Variants in ZNF16 observed in about 807,000 individuals in gnomAD.
ZNF16 encodes zinc finger protein 16, also known as zinc finger protein KOX9.
A neutral mutation model predicts 9.0 loss-of-function variants in ZNF16; 7 were observed. The observed-to-expected ratio is 0.78, with a 90% CI of 0.44 to 1.47. ZNF16 has a LOEUF of 1.47. Among genes scored for constraint, ZNF16 ranks in the 40% most tolerant of loss-of-function variants. ZNF16 has a pLI of 0.01. For missense variants in ZNF16, 830 were observed against 854.2 expected, an observed-to-expected ratio of 0.97 and a Z score of 0.35; for synonymous variants, 312 against 301.5, an observed-to-expected ratio of 1.03 and a Z score of -0.36.
At chr8:144,949,614 G>C (rs1247720361) in intron 1 of ZNF16, among the ~76,000 whole-genome samples, 1 of 152,232 alleles carries the variant, frequency 6.6e-6, no homozygotes, top group Non-Finnish European at 1.5e-5. Flanking sequence ...ACAAAAACAT[G>C]TGTTGTATGG....
intron 1 of ZNF16, among the ~76,000 whole-genome samples, chr8:144,949,427 C>T (rs1288547624): frequency 6.6e-6 from 1 of 152,220 alleles, no homozygotes; most frequent in Non-Finnish European, 1.5e-5. Flanking sequence ...TGGGAACCAC[C>T]CCATCGCACT....
chr8:144,949,833 A>G (rs540046616), intron 1 of ZNF16, among the ~76,000 whole-genome samples: 35 of 152,312 alleles, frequency 2.3e-4, no homozygotes, highest in African/African-American at 4.8e-4. Context: ...ATATGGCCTC[A>G]TGGGATGAGA....
At chr8:144,935,378 G>A (rs879331562) in intron 2 of ZNF16, among the ~76,000 whole-genome samples, 8 of 151,856 alleles carry the variant, frequency 5.3e-5, no homozygotes, top group Non-Finnish European at 8.8e-5. Flanking sequence ...AAATTTTGTT[G>A]TATTTTTAGT....
rs2130052159 is a variant in ZNF16, at chr8:144,946,159, T to C, written c.48A>G (p.Ser16=). ...TRREEAEMEL[S]VPGPSPWTPA... ...GGGTCCAGGGGGATGGTCCTGGAAC[T>C]GAGAGCTCCATCTCTGCCTCCTCAC... The change falls in exon 2 of 3, where the codon TCA becomes TCG. Residue 16 remains serine (S), a synonymous_variant. Transcript: ENST00000394909. 6.4e-7 allele frequency: 1 copy of C among 1,559,046 alleles called. No homozygotes were observed. Among genetic ancestry groups the C allele is most frequent in the East Asian group, 2.3e-5 (1 of 43,828 alleles).
In ZNF16 at chr8:144,933,789, C is replaced by T. The variant is rs1182309054; in HGVS notation, c.197-1199G>A. ...CTTGCCCAGAGCACTCTCCACATGG[C>T]CCTCGTGCTACCCACTTCCCTTGCA... is the stretch of plus-strand genomic sequence containing the variant. On this transcript the variant is annotated intron_variant, in intron 2 of 2. Transcript: ENST00000394909. This position sits in a 1 kb window ranked among gnomAD's most constrained non-coding sequence, Gnocchi z 5.6. 6.6e-6 allele frequency among the ~76,000 whole-genome samples: 1 copy of T among 152,218 alleles called. No homozygotes were observed. Among genetic ancestry groups the T allele is most frequent in the Non-Finnish European group, 1.5e-5 (1 of 68,036 alleles).
chr8:144,943,112 G>T (rs1242631928), intron 2 of ZNF16, among the ~76,000 whole-genome samples: 2 of 152,286 alleles, frequency 1.3e-5, no homozygotes, highest in East Asian at 3.9e-4. Flanking sequence ...AATTTTGCCA[G>T]ATAACAGAAT....
intron 2 of ZNF16, among the ~76,000 whole-genome samples, chr8:144,937,462 G>C (rs770256454): frequency 7.2e-5 from 11 of 151,984 alleles, no homozygotes; most frequent in Non-Finnish European, 1.2e-4. Flanking sequence ...AATATATTTT[G>C]ATATTCAAGT....
intron 2 of ZNF16, among the ~76,000 whole-genome samples, chr8:144,937,755 T>C: frequency 6.6e-6 from 1 of 152,188 alleles, no homozygotes; most frequent in Non-Finnish European, 1.5e-5. Context: ...CAGCTGACTG[T>C]AGCCTTGAGC....
At position 144,932,844 on chromosome 8, in the gene ZNF16, A is replaced by C. The variant is rs188262914; in HGVS notation, c.197-254T>G. 1.4e-4 allele frequency among the ~76,000 whole-genome samples: 22 copies of C among 152,208 alleles called. No homozygotes were observed. The East Asian group carries it at 4.1e-3, about 28-fold the overall frequency. ...CTCCCTGGGACTCCACATCTCAGCA[A>C]ACGTTACTGCGGTCTACCTTCTGGC... On this transcript the variant is annotated intron_variant, in intron 2 of 2. Coordinates refer to ENST00000394909, the MANE Select transcript of ZNF16 (RefSeq NM_006958.3). This position sits in a 1 kb window ranked among gnomAD's most constrained non-coding sequence, Gnocchi z 5.0.
intron 2 of ZNF16, among the ~76,000 whole-genome samples, chr8:144,939,928 A>G (rs923900038): frequency 2.6e-5 from 4 of 152,326 alleles, no homozygotes; most frequent in African/African-American, 9.6e-5. Flanking sequence ...CACAAAAGCA[A>G]CGTTTGATTT....
chr8:144,950,807 C>T lies in ZNF16; in HGVS notation c.-20G>A, dbSNP rs1384361165. 1 of 152,216 alleles carries T rather than the reference C, an allele frequency of 6.6e-6. No individual in the cohort carries two copies. Among genetic ancestry groups the T allele is most frequent in the African/African-American group, 2.4e-5 (1 of 41,446 alleles). 9.4% of individuals were successfully genotyped at this position (152,216 alleles called of 1,614,324 possible). ...CTTCGCGGAACTAACCTCAACGGGT[C>T]GCGCTTGGAAAGGAGGCAGCACCGT... On this transcript the variant is annotated 5_prime_UTR_variant, in exon 1 of 3. Transcript: ENST00000394909.
At position 144,930,559 on chromosome 8, in the gene ZNF16, G is replaced by C. The variant is rs1833498016; in HGVS notation, c.*179C>G. On this transcript the variant is annotated 3_prime_UTR_variant, in exon 3 of 3. Coordinates refer to ENST00000394909, the MANE Select transcript of ZNF16 (RefSeq NM_006958.3). Reference sequence around the variant, plus strand: ...ATCACAAGAGGCAAGAGCAGTGGCAGTGAGAAGGGAGCCTGTAAAGGATGT... The same window carrying C: ...ATCACAAGAGGCAAGAGCAGTGGCACTGAGAAGGGAGCCTGTAAAGGATGT... The C allele has an allele frequency of 1.6e-6, 1 of 639,044 alleles. No individual in the cohort carries two copies. The highest frequency in any genetic ancestry group is 2.5e-6 in the Non-Finnish European group (1 of 392,796). The allele number at this position is 639,044 out of a possible 1,614,324, so 39.6% of individuals were successfully genotyped here.
intron 2 of ZNF16, among the ~76,000 whole-genome samples, chr8:144,935,994 T>C (rs890253051): frequency 2.6e-5 from 4 of 152,210 alleles, no homozygotes; most frequent in African/African-American, 9.7e-5. Context: ...AGTACATCTA[T>C]AATGTTATGC....
Position 144,931,392 on chromosome 8 carries a change from T to G in ZNF16, c.1395A>C (p.Val465=), listed in dbSNP as rs776923808. 5.6e-6 allele frequency: 9 copies of G among 1,614,130 alleles called. No individual in the cohort carries two copies. The South Asian group carries it at 8.8e-5, about 16-fold the overall frequency. Residue 465 remains valine (V), a synonymous_variant, in exon 3 of 3, where the codon GTA becomes GTC. Coordinates refer to ENST00000394909, the MANE Select transcript of ZNF16 (RefSeq NM_006958.3). The part of the protein sequence containing the change: ...HTGEKPHVCN[V]CGKAFSYSSV... ...AGCTATAACTAAAGGCTTTTCCACA[T>G]ACATTACACACGTGAGGCTTTTCTC...
At chr8:144,950,639 C>T (rs1460218693) in intron 1 of ZNF16, 158 bp downstream of exon 1, 2 of 150,038 alleles carry the variant, frequency 1.3e-5, no homozygotes, top group Non-Finnish European at 3.0e-5. Flanking sequence ...GCCCCCCCCG[C>T]GCTCCCACAA....
In ZNF16 at chr8:144,931,361, G is replaced by A; in HGVS notation, c.1426C>T (p.Leu476Phe). Residue 476 changes from leucine (L) to phenylalanine (F), a missense_variant, in exon 3 of 3, where the codon CTC (leucine) becomes TTC (phenylalanine). By Grantham distance (22) the Leu-to-Phe change is conservative (BLOSUM62 0). Transcript: ENST00000394909. ...CGKAFSYSSV[L>F]RKHQIIHTGE... ...GTGTGGATGATCTGGTGCTTTCGGA[G>A]CACTGAGCTATAACTAAAGGCTTTT... 2.5e-6 allele frequency: 4 copies of A among 1,614,172 alleles called. No individual in the cohort carries two copies. Among genetic ancestry groups the A allele is most frequent in the Non-Finnish European group, 2.5e-6 (3 of 1,180,038 alleles).
chr8:144,932,478 T>A lies in ZNF16; in HGVS notation c.309A>T (p.Val103=). 1 of 1,614,216 alleles carries A rather than the reference T, an allele frequency of 6.2e-7. No homozygotes were observed. The highest frequency in any genetic ancestry group is 8.5e-7 in the Non-Finnish European group (1 of 1,180,050). ...CATCACACAGATCTCCAAGCTCGGG[T>A]ACCTGGGAAACATCACCAGCATAGT... ...SENYAGDVSQ[V]PELGDLCDDV... Residue 103 remains valine (V), a synonymous_variant, in exon 3 of 3, where the codon GTA becomes GTT. Coordinates refer to ENST00000394909, the MANE Select transcript of ZNF16 (RefSeq NM_006958.3). This position sits in a 1 kb window ranked among gnomAD's most constrained non-coding sequence, Gnocchi z 5.0.
rs147835035 is a variant in ZNF16 at position 144,949,449 on chromosome 8, T to C, written c.-10+1348A>G. ...CACCCCATCGCACTGCTGCCCCATG[T>C]AGGGAAAAGAAAGAAAGATCAGACT... On this transcript the variant is annotated intron_variant, in intron 1 of 2. Transcript: ENST00000394909. Among the ~76,000 whole-genome samples, 188 of 152,308 alleles carry C rather than the reference T, an allele frequency of 1.2e-3. 2 individuals carry two copies. The East Asian group carries it at 0.029, about 23-fold the overall frequency.
chr8:144,945,698 G>A (rs2130049419), intron 2 of ZNF16: 1 of 278,252 alleles, frequency 3.6e-6, no homozygotes, highest in South Asian at 8.1e-5. Flanking sequence ...GAGTCCTGAG[G>A]GGAGAGGGCT....
Sources: gnomAD v4.1 joint callset for allele counts (sites outside exome capture counted in the v4.1 genomes callset) on GRCh38, gnomAD v4.1.1 for gene constraint, Gnocchi (gnomAD v3.1) non-coding constraint, MANE v1.5 for transcripts, NCBI Gene and HGNC (gene_info 2026-07-23, HGNC 2026-07-21) for gene names.